The following FMR1 variants were observed in gnomAD, a reference collection of about 807,000 sequenced individuals.
FMR1 encodes FMRP translational regulator 1.
A neutral mutation model predicts 50.6 loss-of-function variants in FMR1; 13 were observed. The ratio of observed to expected loss-of-function variants is 0.26; its 90% CI spans 0.17 to 0.41. The LOEUF (loss-of-function observed/expected upper bound fraction) is 0.41, where lower values mean the gene tolerates loss of function less well. Ranked by LOEUF, FMR1 falls within the 10% of genes least tolerant of loss-of-function variation. FMR1 has a pLI of 1.00. For missense variants in FMR1, 316 were observed against 491.3 expected, an observed-to-expected ratio of 0.64 and a Z score of 3.37; for synonymous variants, 138 against 164.1, an observed-to-expected ratio of 0.84 and a Z score of 1.22.
At chrX:147,941,650 T>C (rs1386231053) in intron 13 of FMR1, among the ~76,000 whole-genome samples, 3 of 111,863 alleles carry the variant, frequency 2.7e-5, no homozygotes, top group Non-Finnish European at 5.6e-5. Context: ...CAGCAAGGTT[T>C]ACATGGGTAG....
chrX:147,912,113 G>GAGGC lies in FMR1; in HGVS notation c.-67_-66insAGGC, dbSNP rs1557173927. On this transcript the variant is annotated 5_prime_UTR_variant, in exon 1 of 17. Coordinates refer to ENST00000370475, the MANE Select transcript of FMR1 (RefSeq NM_002024.6). ...GGCGGCGGCGGCGGCGGCGGCGGCT[G>GAGGC]GGCCTCGAGCGCCCGCAGCCCACCT... 2 of 790,842 alleles carry GAGGC rather than the reference G, an allele frequency of 2.5e-6. No individual in the cohort carries two copies. Among genetic ancestry groups the GAGGC allele is most frequent in the African/African-American group, 2.3e-5 (1 of 43,263 alleles). The allele number at this position is 790,842 out of a possible 1,213,427, so 65.2% of individuals were successfully genotyped here. A position where few individuals can be genotyped will look rare whatever the true frequency, so the allele number is the denominator to read the frequency against.
chrX:147,948,556 C>A, intron 16 of FMR1, 127 bp from the exon 17 acceptor site: 1 of 1,148,654 alleles, frequency 8.7e-7, no homozygotes, highest in Non-Finnish European at 1.2e-6. Flanking sequence ...TGCACTTCTT[C>A]TGTTCTCATC....
chrX:147,940,187 GAAAAAAA>G (rs1246432591), intron 12 of FMR1: 1 of 73,957 alleles, frequency 1.4e-5, no homozygotes, highest in African/African-American at 4.9e-5. Flanking sequence ...AAACAAAAAA[GAAAAAAA>G]AAAAAGAAAA....
intron 6 of FMR1, 28 bp from the exon 7 acceptor site, chrX:147,930,100 A>G (rs374008687): frequency 4.8e-5 from 56 of 1,157,384 alleles, no homozygotes; most frequent in Non-Finnish European, 5.7e-5. Context: ...TTGCCTTGAT[A>G]ATAATGTTGT....
chrX:147,913,882 A>G (rs782686026), intron 1 of FMR1: 2 of 112,028 alleles, frequency 1.8e-5, no homozygotes, highest in East Asian at 2.8e-4. Flanking sequence ...ACTATAATAC[A>G]TATACATATA....
In FMR1 at chrX:147,912,124, G is replaced by T. The variant is rs781920625; in HGVS notation, c.-56G>T. The T allele has an allele frequency of 2.2e-6, 2 of 922,115 alleles. No individual in the cohort carries two copies. The highest frequency in any genetic ancestry group is 2.8e-6 in the Non-Finnish European group (2 of 714,386). 76.0% of individuals were successfully genotyped at this position (922,115 alleles called of 1,213,427 possible). The stretch of plus-strand genomic sequence containing the variant: ...CGGCGGCGGCGGCTGGGCCTCGAGC[G>T]CCCGCAGCCCACCTCTCGGGGGCGG... On this transcript the variant is annotated 5_prime_UTR_variant, in exon 1 of 17. Transcript: ENST00000370475.
rs1557183461 is a variant in FMR1 at position 147,950,613 on chromosome X, A to G, written c.*1769A>G. 3.0e-6 allele frequency: 1 copy of G among 329,496 alleles called. No homozygotes were observed. The highest frequency in any genetic ancestry group is 3.1e-5 in the Admixed American group (1 of 32,273). The allele number at this position is 329,496 out of a possible 1,213,427, so 27.2% of individuals were successfully genotyped here. On this transcript the variant is annotated 3_prime_UTR_variant, in exon 17 of 17. Transcript: ENST00000370475. ...TATATTTTGTATGCAAGCAGTTTCA[A>G]TAAAGTTTGATCTTCCTCTGCTAAA...
intron 3 of FMR1, among the ~76,000 whole-genome samples, chrX:147,926,451 G>A (rs2043391089): frequency 9.0e-6 from 1 of 111,194 alleles, no homozygotes; most frequent in South Asian, 3.8e-4. Flanking sequence ...TGCAGGTGAG[G>A]CAGAGTGGTT....
chrX:147,915,892 G>A (rs782462298), intron 1 of FMR1, among the ~76,000 whole-genome samples: 1 of 112,075 alleles, frequency 8.9e-6, no homozygotes, highest in South Asian at 3.7e-4. Context: ...ATGAAATTTA[G>A]CTTGAAGAAA....
chrX:147,924,467 T>TTG (rs3999731), intron 2 of FMR1, among the ~76,000 whole-genome samples: 4,613 of 91,012 alleles, frequency 0.051, 108 homozygotes, highest in African/African-American at 0.079. Context: ...AGTATTTTAT[T>TTG]TGTGTGTGTG....
intron 10 of FMR1, 82 bp from the exon 11 acceptor site, chrX:147,937,384 A>G (rs1316306266): frequency 4.9e-6 from 3 of 607,102 alleles, no homozygotes; most frequent in African/African-American, 2.2e-5. Flanking sequence ...TAAAAATATG[A>G]TGATTGATAA....
chrX:147,913,018 A>G (rs1481607854), intron 1 of FMR1: 2 of 244,933 alleles, frequency 8.2e-6, no homozygotes, highest in Non-Finnish European at 1.4e-5. Flanking sequence ...GCTGCTACTT[A>G]AAAATTGTGT....
intron 1 of FMR1, among the ~76,000 whole-genome samples, chrX:147,921,344 A>G (rs1223376115): frequency 2.7e-5 from 3 of 111,548 alleles, no homozygotes; most frequent in African/African-American, 9.8e-5. Context: ...TGGACTTTAT[A>G]TATTTTTTCT....
chrX:147,950,013 A>G lies in FMR1; in HGVS notation c.*1169A>G, dbSNP rs182251747. 3.1e-3 allele frequency: 981 copies of G among 314,999 alleles called. 7 individuals carry two copies. The highest frequency in any genetic ancestry group is 0.024 in the African/African-American group (866 of 36,405). The allele number at this position is 314,999 out of a possible 1,213,427, so 26.0% of individuals were successfully genotyped here. A position where few individuals can be genotyped will look rare whatever the true frequency, so the allele number is the denominator to read the frequency against. ...TGGAAAAGACTAAGATCGGTTAACA[A>G]ATAACAACTTTTTTTTCTTTTTTTC... On this transcript the variant is annotated 3_prime_UTR_variant, in exon 17 of 17. Coordinates refer to ENST00000370475, the MANE Select transcript of FMR1 (RefSeq NM_002024.6).
intron 12 of FMR1, among the ~76,000 whole-genome samples, chrX:147,939,841 A>G (rs1401492867): frequency 8.7e-5 from 9 of 103,107 alleles, no homozygotes; most frequent in African/African-American, 2.9e-4. Flanking sequence ...TCGAGGCTAC[A>G]GCGAGCCATT....
intron 12 of FMR1, among the ~76,000 whole-genome samples, chrX:147,938,372 A>T (rs969684726): frequency 2.7e-5 from 3 of 111,463 alleles, no homozygotes; most frequent in Non-Finnish European, 3.8e-5. Flanking sequence ...TATCATCTTT[A>T]AATTATCTTC....
chrX:147,921,900 T>C, intron 1 of FMR1, 33 bp from the exon 2 acceptor site: 1 of 997,449 alleles, frequency 1.0e-6, no homozygotes, highest in Non-Finnish European at 1.4e-6. Flanking sequence ...ATCTTTAAGC[T>C]CACAAGTTAA....
chrX:147,933,976 A>G (rs1188031899), intron 9 of FMR1, among the ~76,000 whole-genome samples: 3 of 107,800 alleles, frequency 2.8e-5, no homozygotes, highest in Admixed American at 9.6e-5. Context: ...TGTACTACAG[A>G]CAACTGGAGA....
At position 147,949,782 on chromosome X, in the gene FMR1, G is replaced by C; in HGVS notation, c.*938G>C. 1 of 325,507 alleles carries C rather than the reference G, an allele frequency of 3.1e-6. No homozygotes were observed. The highest frequency in any genetic ancestry group is 2.7e-5 in the South Asian group (1 of 37,605). 26.8% of individuals were successfully genotyped at this position (325,507 alleles called of 1,213,427 possible). A position where few individuals can be genotyped will look rare whatever the true frequency, so the allele number is the denominator to read the frequency against. ...TGGCCTGATGACCAATTTTAACTTA[G>C]AGCTTTTTTTTTTTAATTTTGTCTG... is the stretch of plus-strand genomic sequence containing the variant. On this transcript the variant is annotated 3_prime_UTR_variant, in exon 17 of 17. Transcript: ENST00000370475.
Sources: allele counts gnomAD v4.1 joint callset (sites outside exome capture counted in the v4.1 genomes callset), GRCh38; gene constraint gnomAD v4.1.1; transcripts MANE v1.5; gene names NCBI Gene and HGNC (gene_info 2026-07-23, HGNC 2026-07-21).